LRIF1: variants seen among roughly 807,000 people sequenced by gnomAD.
The protein encoded by LRIF1 is ligand-dependent nuclear receptor-interacting factor 1.
Under a neutral mutation model 52.7 loss-of-function variants are expected in LRIF1, and 32 were observed. That is an observed-to-expected ratio of 0.61 (90% CI 0.46 to 0.82). The LOEUF (loss-of-function observed/expected upper bound fraction) is 0.82, where lower values mean the gene tolerates loss of function less well. LRIF1 is among the 40% of genes least tolerant of loss of function. LRIF1 has a pLI of 0.00. For missense variants in LRIF1, 887 were observed against 892.0 expected, an observed-to-expected ratio of 0.99 and a Z score of 0.07; for synonymous variants, 323 against 317.4, an observed-to-expected ratio of 1.02 and a Z score of -0.19.
the LRIF1 span, among the ~76,000 whole-genome samples, chr1:110,877,924 T>A: frequency 6.6e-6 from 1 of 152,186 alleles, no homozygotes; most frequent in Non-Finnish European, 1.5e-5. Context: ...AACGAGCTGA[T>A]GAAAAATGGA....
the LRIF1 span, among the ~76,000 whole-genome samples, chr1:110,913,126 G>T: frequency 6.6e-6 from 1 of 152,156 alleles, no homozygotes; most frequent in Admixed American, 6.5e-5. Context: ...ATATACACAA[G>T]ACTGAAACTG....
the LRIF1 span, among the ~76,000 whole-genome samples, chr1:110,885,006 T>C: frequency 6.6e-6 from 1 of 152,290 alleles, no homozygotes; most frequent in South Asian, 2.1e-4. Context: ...TTTTTCTACT[T>C]GTTCTTTATT....
At chr1:110,941,028 C>T in the LRIF1 span, 1 of 151,814 alleles carries the variant, frequency 6.6e-6, no homozygotes, top group Non-Finnish European at 1.5e-5. Context: ...AGGTGGGTAC[C>T]CTATTCTTCA....
At position 110,963,832 on chromosome 1, in the gene LRIF1, C is replaced by T. The variant is rs1395070022; in HGVS notation, c.-144G>A. 3 of 579,490 alleles carry T rather than the reference C, an allele frequency of 5.2e-6. No individual in the cohort carries two copies. Among genetic ancestry groups the T allele is most frequent in the Non-Finnish European group, 9.3e-6 (3 of 321,700 alleles). 35.9% of individuals were successfully genotyped at this position (579,490 alleles called of 1,614,324 possible). A position where few individuals can be genotyped will look rare whatever the true frequency, so the allele number is the denominator to read the frequency against. ...TGAGGGGTTCGACCTTAACGGAGGG[C>T]GACAGCGGGCTCTCGAGAGGGTGTA... On this transcript the variant is annotated 5_prime_UTR_variant, in exon 1 of 4. Transcript: ENST00000369763.
chr1:110,923,605 C>G, the LRIF1 span, among the ~76,000 whole-genome samples: 1 of 151,862 alleles, frequency 6.6e-6, no homozygotes, highest in Admixed American at 6.6e-5. Flanking sequence ...AAATACACTC[C>G]TAAGTAGCCA....
the LRIF1 span, among the ~76,000 whole-genome samples, chr1:110,913,504 T>C: frequency 6.6e-6 from 1 of 152,202 alleles, no homozygotes; most frequent in Admixed American, 6.5e-5. Flanking sequence ...GGTCAGACAC[T>C]TCTCAAAAGA....
At chr1:110,934,969 C>T in the LRIF1 span, among the ~76,000 whole-genome samples, 2 of 152,162 alleles carry the variant, frequency 1.3e-5, no homozygotes, top group Non-Finnish European at 1.5e-5. Flanking sequence ...TCATCCCCAG[C>T]TTTAGGTGGT....
chr1:110,959,310 T>C (rs1658850569), intron 1 of LRIF1, among the ~76,000 whole-genome samples: 1 of 152,228 alleles, frequency 6.6e-6, no homozygotes, highest in Non-Finnish European at 1.5e-5. Flanking sequence ...TCTTTGAATC[T>C]GTTTCTTCAT....
chr1:110,897,807 A>T, the LRIF1 span: 1 of 1,586,148 alleles, frequency 6.3e-7, no homozygotes, highest in Non-Finnish European at 8.7e-7. Flanking sequence ...AATGTCTTCT[A>T]GGGTTGCTAT....
the LRIF1 span, chr1:110,897,764 G>A: frequency 8.6e-7 from 1 of 1,165,470 alleles, no homozygotes. Context: ...TCTTGATATG[G>A]TGGAATTATA....
At chr1:110,949,386 G>A (rs946362078) in intron 3 of LRIF1, among the ~76,000 whole-genome samples, 10 of 151,230 alleles carry the variant, frequency 6.6e-5, no homozygotes, top group Non-Finnish European at 1.3e-4. Flanking sequence ...CCAAAGTGCT[G>A]GGATTACAGG....
At position 110,947,793 on chromosome 1, in the gene LRIF1, CAT is replaced by C. The variant is rs1658264212; in HGVS notation, c.*164_*165del. On this transcript the variant is annotated 3_prime_UTR_variant, in exon 4 of 4. Transcript: ENST00000369763. Reference sequence around the variant, plus strand: ...TACCCCATGTAAATTATTCACAAGTCATATGTGAATCAACCTTTTCTGTATTC... The same window carrying C: ...TACCCCATGTAAATTATTCACAAGTCATGTGAATCAACCTTTTCTGTATTC... The C allele has an allele frequency of 1.2e-6, 1 of 861,444 alleles. No individual in the cohort carries two copies. The highest frequency in any genetic ancestry group is 1.7e-6 in the Non-Finnish European group (1 of 603,048). 53.4% of individuals were successfully genotyped at this position (861,444 alleles called of 1,614,324 possible).
At chr1:110,891,317 T>C in the LRIF1 span, 1 of 1,028,264 alleles carries the variant, frequency 9.7e-7, no homozygotes, top group Middle Eastern at 2.6e-4. Context: ...TAGAGATCCC[T>C]GAACATTTGT....
chr1:110,896,156 C>T, the LRIF1 span, among the ~76,000 whole-genome samples: 1 of 152,126 alleles, frequency 6.6e-6, no homozygotes, highest in African/African-American at 2.4e-5. Context: ...CTTCTCCACT[C>T]TCTAGATCAG....
chr1:110,935,962 AAATAACATAC>A, the LRIF1 span, among the ~76,000 whole-genome samples: 1 of 152,180 alleles, frequency 6.6e-6, no homozygotes, highest in Non-Finnish European at 1.5e-5. Context: ...GAGAAAAAAA[AAATAACATAC>A]AATGGAGCTC....
chr1:110,892,438 G>A, the LRIF1 span: 1 of 1,613,914 alleles, frequency 6.2e-7, no homozygotes, highest in Non-Finnish European at 8.5e-7. Context: ...CCTCACGCTG[G>A]GCAATGTGTT....
At chr1:110,962,883 T>C (rs1016909647) in intron 1 of LRIF1, among the ~76,000 whole-genome samples, 6 of 152,136 alleles carry the variant, frequency 3.9e-5, no homozygotes, top group Non-Finnish European at 7.4e-5. Context: ...TTAGCTAACA[T>C]TGTTTCCAAT....
chr1:110,919,961 A>C, the LRIF1 span, among the ~76,000 whole-genome samples: 1 of 152,256 alleles, frequency 6.6e-6, no homozygotes, highest in South Asian at 2.1e-4. Flanking sequence ...GTTCAACATC[A>C]TATGTCATTA....
chr1:110,896,632 T>G, the LRIF1 span: 3 of 1,607,890 alleles, frequency 1.9e-6, no homozygotes, highest in African/African-American at 1.3e-5. Context: ...ACCATCATCA[T>G]TTTGGGGGTT....
Sources: gnomAD v4.1 joint callset for allele counts (sites outside exome capture counted in the v4.1 genomes callset) on GRCh38, gnomAD v4.1.1 for gene constraint, MANE v1.5 for transcripts, NCBI Gene and HGNC (gene_info 2026-07-23, HGNC 2026-07-21) for gene names.